Variants in AASS observed in about 807,000 individuals in gnomAD.
AASS encodes alpha-aminoadipic semialdehyde synthase, mitochondrial.
In AASS, 86 loss-of-function variants were observed where a neutral mutation model predicts 105.4. That is an observed-to-expected ratio of 0.82 (90% CI 0.69 to 0.98). AASS has a LOEUF of 0.98. AASS is among the 50% of genes least tolerant of loss of function. The pLI is 0.00. For synonymous variants in AASS, 381 were observed against 394.8 expected, an observed-to-expected ratio of 0.96 and a Z score of 0.41; for missense variants, 1,048 against 1,143.2, an observed-to-expected ratio of 0.92 and a Z score of 1.20.
chr7:122,132,522 A>T (rs1278501784), intron 2 of AASS, among the ~76,000 whole-genome samples: 2 of 152,324 alleles, frequency 1.3e-5, no homozygotes, highest in East Asian at 1.9e-4. Flanking sequence ...GTAATTACAA[A>T]GGGTGATATA....
chr7:122,133,104 G>A (rs915677641), intron 2 of AASS, among the ~76,000 whole-genome samples: 4 of 152,076 alleles, frequency 2.6e-5, no homozygotes, highest in Non-Finnish European at 5.9e-5. Flanking sequence ...AATGGCTCAG[G>A]AAAGGAAAAG....
In AASS at chr7:122,093,049, T is replaced by G; in HGVS notation, c.1765A>C (p.Ser589Arg). 6.2e-7 allele frequency: 1 copy of G among 1,613,500 alleles called. No individual in the cohort carries two copies. The highest frequency in any genetic ancestry group is 8.5e-7 in the Non-Finnish European group (1 of 1,179,428). ...ITPALKELEK[S>R]VEDAGITIIG... is the part of the protein sequence containing the mutation. ...TTGTTTAAAATGATTAAAACTTACCTCTTTTCCAATTCTTTTAGTGCTGGT... is the reference window on the plus strand; with the variant it reads ...TTGTTTAAAATGATTAAAACTTACCGCTTTTCCAATTCTTTTAGTGCTGGT... Residue 589 changes from serine to arginine, a missense_variant and splice_region_variant, in exon 16 of 24, where the codon AGT becomes CGT. Physicochemically the swap from Ser to Arg is moderately radical, Grantham distance 110 (BLOSUM62 -1). Transcript: ENST00000417368.
chr7:122,108,327 G>A (rs984146346), intron 11 of AASS, among the ~76,000 whole-genome samples: 3 of 151,924 alleles, frequency 2.0e-5, no homozygotes, highest in Admixed American at 2.0e-4. Flanking sequence ...ATTCTATAAG[G>A]CCAGTGTTAT....
At chr7:122,103,102 T>C (rs1369861061) in intron 11 of AASS, among the ~76,000 whole-genome samples, 1 of 152,046 alleles carries the variant, frequency 6.6e-6, no homozygotes, top group Non-Finnish European at 1.5e-5. Flanking sequence ...GGAAGACAGA[T>C]GAACATCCAA....
Position 122,079,532 on chromosome 7 carries a change from C to T in AASS, c.2396+65G>A, listed in dbSNP as rs1206368. On this transcript the variant is annotated intron_variant, in intron 21 of 23. Transcript: ENST00000417368. The stretch of plus-strand genomic sequence containing the variant: ...ACAAATGTAAAATATTTAACTTTTT[C>T]TGAGTAGAAATTAGCAATCATTGAT... 0.56 allele frequency: 755,909 copies of T among 1,358,486 alleles called. 214,970 individuals are homozygous for T. Among genetic ancestry groups the T allele is most frequent in the African/African-American group, 0.89 (62,694 of 70,112 alleles). The allele number at this position is 1,358,486 out of a possible 1,614,324, so 84.2% of individuals were successfully genotyped here.
Position 122,075,756 on chromosome 7 carries a change from C to G in AASS, c.*733G>C, listed in dbSNP as rs1792970988. 6.6e-6 allele frequency: 1 copy of G among 151,882 alleles called. No homozygotes were observed. Among genetic ancestry groups the G allele is most frequent in the Non-Finnish European group, 1.5e-5 (1 of 67,980 alleles). The allele number at this position is 151,882 out of a possible 1,614,324, so 9.4% of individuals were successfully genotyped here. ...TCATGTCCAAACACTCAAGAGAAAACTATAAGGAACTATATTTACAAAATA... is the reference window on the plus strand; with the variant it reads ...TCATGTCCAAACACTCAAGAGAAAAGTATAAGGAACTATATTTACAAAATA... On this transcript the variant is annotated 3_prime_UTR_variant, in exon 24 of 24. Coordinates refer to ENST00000417368, the MANE Select transcript of AASS (RefSeq NM_005763.4).
chr7:122,079,135 T>C (rs1793184449), intron 21 of AASS, 185 bp from the exon 22 acceptor site: 1 of 1,488,028 alleles, frequency 6.7e-7, no homozygotes, highest in African/African-American at 1.4e-5. Flanking sequence ...CTTCAGAATC[T>C]TCTCCAGACT....
At chr7:122,078,631 C>A (rs75782517) in intron 22 of AASS, among the ~76,000 whole-genome samples, 2,585 of 152,124 alleles carry the variant, frequency 0.017, 65 homozygotes, top group African/African-American at 0.057. Flanking sequence ...AACTAACTAA[C>A]TAAATAAATA....
At position 122,076,426 on chromosome 7, in the gene AASS, T is replaced by C; in HGVS notation, c.*63A>G. 1 of 1,099,014 alleles carries C rather than the reference T, an allele frequency of 9.1e-7. No homozygotes were observed. The highest frequency in any genetic ancestry group is 1.4e-6 in the Non-Finnish European group (1 of 710,752). The allele number at this position is 1,099,014 out of a possible 1,614,324, so 68.1% of individuals were successfully genotyped here. On this transcript the variant is annotated 3_prime_UTR_variant, in exon 24 of 24. Coordinates refer to ENST00000417368, the MANE Select transcript of AASS (RefSeq NM_005763.4). Reference sequence around the variant, plus strand: ...TTAAAACAGCACATTAGCAAACCCATTTATCACACACATGTTCAGAGGTGT... The same window carrying C: ...TTAAAACAGCACATTAGCAAACCCACTTATCACACACATGTTCAGAGGTGT...
rs1792879422 is a variant in AASS, at chr7:122,073,866, AT to A, written c.*2622del. 3.3e-5 allele frequency among the ~76,000 whole-genome samples: 5 copies of A among 152,096 alleles called. No individual in the cohort carries two copies. The highest frequency in any genetic ancestry group is 1.2e-4 in the African/African-American group (5 of 41,414). ...TTTCATGTCTGGCATTCTTCACTTG[AT>A]ATGTTTTCAAGGTTTTTCCATGTTG... On this transcript the variant is annotated 3_prime_UTR_variant, in exon 24 of 24. Coordinates refer to ENST00000417368, the MANE Select transcript of AASS (RefSeq NM_005763.4).
At chr7:122,120,875 A>G (rs2150542371) in intron 4 of AASS, among the ~76,000 whole-genome samples, 1 of 152,122 alleles carries the variant, frequency 6.6e-6, no homozygotes, top group Admixed American at 6.5e-5. Flanking sequence ...CTTTCTATAA[A>G]AACTTCTAGG....
intron 3 of AASS, among the ~76,000 whole-genome samples, chr7:122,127,664 T>C (rs939525755): frequency 8.5e-5 from 13 of 152,216 alleles, no homozygotes; most frequent in Non-Finnish European, 1.3e-4. Context: ...GGAAGTATTT[T>C]ACACTCCTAT....
intron 9 of AASS, 73 bp downstream of exon 9, chr7:122,115,001 A>G (rs1327879874): frequency 1.9e-6 from 3 of 1,599,354 alleles, no homozygotes; most frequent in African/African-American, 1.3e-5. Flanking sequence ...GTCCTCTGAT[A>G]TGTGATATTT....
chr7:122,111,936 T>C (rs569410173), intron 11 of AASS, among the ~76,000 whole-genome samples: 1 of 152,198 alleles, frequency 6.6e-6, no homozygotes, highest in African/African-American at 2.4e-5. Flanking sequence ...TAAGATTATG[T>C]ATTCATTACA....
intron 11 of AASS, among the ~76,000 whole-genome samples, chr7:122,108,422 C>T (rs192807958): frequency 7.4e-4 from 113 of 152,058 alleles, no homozygotes; most frequent in African/African-American, 2.4e-3. Flanking sequence ...CAAAAATTTT[C>T]AACAAAATAC....
rs563078369 is a variant in AASS, at chr7:122,079,109, A to G, written c.2397-159T>C. 1.5e-5 allele frequency: 23 copies of G among 1,525,062 alleles called. No individual in the cohort carries two copies. In the East Asian group the frequency reaches 4.4e-4, roughly 29 times the overall value. The allele number at this position is 1,525,062 out of a possible 1,614,324, so 94.5% of individuals were successfully genotyped here. A position where few individuals can be genotyped will look rare whatever the true frequency, so the allele number is the denominator to read the frequency against. ...CCTAAAATGTAAAATAACAATAACA[A>G]TAGCAATGTTTTAACCTTCAGAATC... is the stretch of plus-strand genomic sequence containing the variant. On this transcript the variant is annotated intron_variant, in intron 21 of 23. Transcript: ENST00000417368.
intron 11 of AASS, among the ~76,000 whole-genome samples, chr7:122,107,109 A>G (rs1021404156): frequency 6.6e-6 from 1 of 152,156 alleles, no homozygotes; most frequent in African/African-American, 2.4e-5. Context: ...TTGAAGACAT[A>G]CATGCAGTCA....
At position 122,133,734 on chromosome 7, in the gene AASS, C is replaced by A; in HGVS notation, c.-8G>T. 1 of 1,613,748 alleles carries A rather than the reference C, an allele frequency of 6.2e-7. No individual in the cohort carries two copies. The highest frequency in any genetic ancestry group is 8.5e-7 in the Non-Finnish European group (1 of 1,179,770). ...CCTATGTACTTGCAGCATCTTGACACCTGGTGACTGTAAAGACAATGTAAA... is the reference window on the plus strand; with the variant it reads ...CCTATGTACTTGCAGCATCTTGACAACTGGTGACTGTAAAGACAATGTAAA... On this transcript the variant is annotated 5_prime_UTR_variant, in exon 2 of 24. Coordinates refer to ENST00000417368, the MANE Select transcript of AASS (RefSeq NM_005763.4).
At chr7:122,102,458 C>G (rs1372933070) in intron 11 of AASS, among the ~76,000 whole-genome samples, 4 of 151,904 alleles carry the variant, frequency 2.6e-5, no homozygotes, top group Admixed American at 1.3e-4. Context: ...GTTAGCATTG[C>G]TGTTTCTGGT....
Sources: gnomAD v4.1 joint callset for allele counts (sites outside exome capture counted in the v4.1 genomes callset) on GRCh38, gnomAD v4.1.1 for gene constraint, MANE v1.5 for transcripts, NCBI Gene and HGNC (gene_info 2026-07-23, HGNC 2026-07-21) for gene names.